VMA12: variants seen among roughly 807,000 people sequenced by gnomAD.
VMA12 encodes the protein vacuolar ATPase assembly factor VMA12.
the VMA12 span, chr17:28,359,158 CAAAAA>C: frequency 4.1e-6 from 3 of 726,234 alleles, no homozygotes; most frequent in East Asian, 6.2e-5. Flanking sequence ...AAATTGAGAT[CAAAAA>C]AAAAAAAAAC....
chr17:28,362,261 T>C, the VMA12 span: 4 of 152,068 alleles, frequency 2.6e-5, no homozygotes, highest in Non-Finnish European at 4.4e-5. Context: ...TCCTCTACAA[T>C]GTTTGCCAGT....
At chr17:28,358,984 C>A in the VMA12 span, 1 of 1,612,128 alleles carries the variant, frequency 6.2e-7, no homozygotes, top group East Asian at 2.2e-5. Context: ...TGTGAAGCCT[C>A]CACGGGTATG....
chr17:28,358,365 C>T, the VMA12 span: 1 of 470,870 alleles, frequency 2.1e-6, no homozygotes, highest in African/African-American at 2.0e-5. Context: ...ATGTGAGTTC[C>T]AGTCCTAGCT....
the VMA12 span, chr17:28,358,997 A>G: frequency 1.2e-6 from 2 of 1,607,116 alleles, no homozygotes; most frequent in East Asian, 2.2e-5. Context: ...CGGGTATGTA[A>G]GGGATATGTT....
At chr17:28,363,306 A>G in the VMA12 span, 1 of 152,242 alleles carries the variant, frequency 6.6e-6, no homozygotes, top group Non-Finnish European at 1.5e-5. Flanking sequence ...AGAGGCTCTC[A>G]TCTCCCCAGG....
the VMA12 span, chr17:28,357,739 A>G: frequency 1.2e-6 from 2 of 1,613,484 alleles, no homozygotes; most frequent in Non-Finnish European, 1.7e-6. Flanking sequence ...AGCTGGAGCC[A>G]GAGCGGCTAC....
chr17:28,361,701 A>C, the VMA12 span: 1 of 156,550 alleles, frequency 6.4e-6, no homozygotes, highest in Non-Finnish European at 1.4e-5. Context: ...AGAAGCCTCC[A>C]AGAAAACAGA....
chr17:28,362,544 A>G, the VMA12 span: 1 of 152,210 alleles, frequency 6.6e-6, no homozygotes, highest in African/African-American at 2.4e-5. Flanking sequence ...CATGCCTGTA[A>G]TCCCAGCACT....
the VMA12 span, chr17:28,359,392 C>A: frequency 6.2e-7 from 1 of 1,614,022 alleles, no homozygotes. Context: ...TCACCCGCAA[C>A]GTCACTTGTC....
At chr17:28,357,787 G>A in the VMA12 span, 4 of 1,613,976 alleles carry the variant, frequency 2.5e-6, no homozygotes, top group Non-Finnish European at 3.4e-6. Flanking sequence ...CCGCGCTGGG[G>A]AAGAAGCACA....
chr17:28,359,479 GT>G, the VMA12 span: 1 of 1,433,582 alleles, frequency 7.0e-7, no homozygotes, highest in Non-Finnish European at 9.7e-7. Context: ...AAGATACAGA[GT>G]TTAGAAAAAA....
At chr17:28,361,158 G>A in the VMA12 span, 32 of 1,613,958 alleles carry the variant, frequency 2.0e-5, no homozygotes, top group Non-Finnish European at 2.5e-5. Flanking sequence ...CATCTCCAGC[G>A]GGTGCTAGCT....
chr17:28,362,957 G>C, the VMA12 span: 1 of 152,204 alleles, frequency 6.6e-6, no homozygotes, highest in Admixed American at 6.5e-5. Context: ...GGACTGCTTG[G>C]CAGGAGGTGG....
the VMA12 span, chr17:28,358,172 AC>A: frequency 2.1e-6 from 1 of 468,004 alleles, no homozygotes; most frequent in Non-Finnish European, 3.9e-6. Flanking sequence ...TACAAATATC[AC>A]AGGTTTTGTC....
chr17:28,360,460 A>AG, the VMA12 span: 227 of 917,344 alleles, frequency 2.5e-4, no homozygotes, highest in South Asian at 2.4e-3. Context: ...GAGAGGGCTG[A>AG]GCCAGACTGT....
At chr17:28,361,305 T>C in the VMA12 span, 3 of 1,555,544 alleles carry the variant, frequency 1.9e-6, no homozygotes, top group African/African-American at 1.4e-5. Flanking sequence ...CAGGCTCCAA[T>C]TGGCAGTCAC....
chr17:28,360,672 G>A, the VMA12 span: 1 of 1,603,046 alleles, frequency 6.2e-7, no homozygotes. Context: ...GGGGAGCCAT[G>A]AGATAAGAGC....
chr17:28,362,567 G>A, the VMA12 span: 1 of 152,222 alleles, frequency 6.6e-6, no homozygotes, highest in African/African-American at 2.4e-5. Flanking sequence ...GGGAGACCAA[G>A]GTGGGAGGAT....
the VMA12 span, chr17:28,360,265 G>C: frequency 2.7e-6 from 1 of 364,428 alleles, no homozygotes; most frequent in Non-Finnish European, 5.2e-6. Context: ...AGCCATTCGA[G>C]CATTTCTTCT....
Sources: allele counts gnomAD v4.1 joint callset, GRCh38; gene constraint gnomAD v4.1.1; transcripts MANE v1.5; gene names NCBI Gene and HGNC (gene_info 2026-07-23, HGNC 2026-07-21).